EYS: variants seen among roughly 807,000 people sequenced by gnomAD.
EYS encodes the protein protein eyes shut homolog.
EYS carries 250 observed loss-of-function variants against 282.1 expected under a neutral mutation model. The observed-to-expected ratio is 0.89, with a 90% confidence interval of 0.80 to 0.98. The LOEUF (loss-of-function observed/expected upper bound fraction) is 0.98, where lower values mean the gene tolerates loss of function less well. EYS is among the 50% of genes least tolerant of loss of function. The probability of loss-of-function intolerance (pLI) is 0.00; values close to 1 mark genes in which losing one functional copy is unlikely to be tolerated. For missense variants in EYS, 4,016 were observed against 3,709.0 expected (o/e 1.08, Z -2.15); for synonymous variants, 1,355 against 1,282.9 (o/e 1.06, Z -1.20).
intron 5 of EYS, among the ~76,000 whole-genome samples, chr6:65,449,006 T>C (rs934973481): frequency 2.0e-5 from 3 of 152,110 alleles, no homozygotes; most frequent in Admixed American, 6.6e-5. Context: ...AATTTGGTTC[T>C]CACCTTAAGA....
chr6:65,330,335 G>A (rs1006582422), intron 11 of EYS: 21 of 981,238 alleles, frequency 2.1e-5, no homozygotes, highest in Middle Eastern at 5.2e-4. Context: ...AGGGATTGGT[G>A]ACTTAGACAT....
At chr6:65,686,823 C>T (rs1364035150) in intron 1 of EYS, among the ~76,000 whole-genome samples, 1 of 151,722 alleles carries the variant, frequency 6.6e-6, no homozygotes, top group African/African-American at 2.4e-5. Context: ...ATGATGAATA[C>T]CTGAAGCTGG....
chr6:65,427,051 T>C (rs772701848), intron 5 of EYS, among the ~76,000 whole-genome samples: 4 of 152,106 alleles, frequency 2.6e-5, no homozygotes, highest in Admixed American at 1.3e-4. Context: ...AGCGAAGCCA[T>C]AGTCTTCTCT....
chr6:64,961,733 T>C (rs1473174784), intron 14 of EYS, among the ~76,000 whole-genome samples: 1 of 152,064 alleles, frequency 6.6e-6, no homozygotes, highest in Non-Finnish European at 1.5e-5. Flanking sequence ...ATCCTACCAA[T>C]ACACCTTTAT....
intron 12 of EYS, among the ~76,000 whole-genome samples, chr6:65,132,514 C>A (rs1246739543): frequency 6.6e-6 from 1 of 151,944 alleles, no homozygotes; most frequent in Non-Finnish European, 1.5e-5. Flanking sequence ...TTCAAAATCT[C>A]TTCATGTTAA....
chr6:63,792,725 GC>G (rs1489643519), intron 37 of EYS, among the ~76,000 whole-genome samples: 1 of 151,608 alleles, frequency 6.6e-6, no homozygotes, highest in African/African-American at 2.4e-5. Flanking sequence ...TCGTAATAAG[GC>G]CTGATTGGTA....
At chr6:63,792,464 G>T (rs1002585005) in intron 37 of EYS, among the ~76,000 whole-genome samples, 2 of 152,032 alleles carry the variant, frequency 1.3e-5, no homozygotes, top group African/African-American at 2.4e-5. Context: ...ATCATTTAGG[G>T]AATGGTTCAA....
intron 35 of EYS, among the ~76,000 whole-genome samples, chr6:63,885,254 C>T (rs760250910): frequency 1.3e-4 from 20 of 152,140 alleles, no homozygotes; most frequent in Non-Finnish European, 2.2e-4. Flanking sequence ...TAGGCTACAT[C>T]TTTTGTCATC....
chr6:65,149,329 G>C (rs190184510), intron 12 of EYS, among the ~76,000 whole-genome samples: 15 of 152,214 alleles, frequency 9.9e-5, no homozygotes, highest in Non-Finnish European at 2.1e-4. Flanking sequence ...TAGGGCAGGG[G>C]CAAAATGTCA....
intron 7 of EYS, 48 bp from the exon 8 acceptor site, chr6:65,384,548 T>G (rs1256365778): frequency 1.1e-6 from 1 of 931,786 alleles, no homozygotes. Context: ...TTAAATGTTT[T>G]CAGAAAAGCC....
At chr6:63,866,094 A>G (rs1473460651) in intron 35 of EYS, among the ~76,000 whole-genome samples, 1 of 152,202 alleles carries the variant, frequency 6.6e-6, no homozygotes, top group Non-Finnish European at 1.5e-5. Flanking sequence ...TAAGATGGTT[A>G]TAAAGTATCC....
At chr6:64,192,273 G>C (rs1257188835) in intron 31 of EYS, among the ~76,000 whole-genome samples, 1 of 151,848 alleles carries the variant, frequency 6.6e-6, no homozygotes, top group African/African-American at 2.4e-5. Context: ...CTCCCATTTT[G>C]TGGGTTGCTT....
chr6:64,295,790 C>T (rs562171960), intron 30 of EYS, among the ~76,000 whole-genome samples: 37 of 151,668 alleles, frequency 2.4e-4, no homozygotes, highest in Non-Finnish European at 3.8e-4. Flanking sequence ...GCATTTGTTG[C>T]CAATGTTACA....
At chr6:64,790,884 A>G (rs1268752926) in intron 22 of EYS, among the ~76,000 whole-genome samples, 1 of 151,924 alleles carries the variant, frequency 6.6e-6, no homozygotes, top group African/African-American at 2.4e-5. Context: ...TTAATAAAAG[A>G]AGAATGAAAA....
chr6:65,005,597 C>G (rs1312239973), intron 13 of EYS, among the ~76,000 whole-genome samples: 1 of 147,690 alleles, frequency 6.8e-6, no homozygotes, highest in African/African-American at 2.4e-5. Context: ...TACCGGGCAC[C>G]TGTCCGCCAG....
At chr6:64,982,651 T>C (rs552616628) in intron 14 of EYS, among the ~76,000 whole-genome samples, 2 of 151,176 alleles carry the variant, frequency 1.3e-5, no homozygotes, top group Non-Finnish European at 3.0e-5. Context: ...TATAGATATA[T>C]ATGACTTTGA....
chr6:64,126,446 A>G (rs1773789816), intron 31 of EYS, among the ~76,000 whole-genome samples: 1 of 152,020 alleles, frequency 6.6e-6, no homozygotes, highest in African/African-American at 2.4e-5. Context: ...AGCATATTGC[A>G]GTTACTCCAG....
intron 30 of EYS, among the ~76,000 whole-genome samples, chr6:64,295,842 T>C (rs948090595): frequency 1.3e-5 from 2 of 152,126 alleles, no homozygotes; most frequent in African/African-American, 2.4e-5. Flanking sequence ...GGGTAAGTCA[T>C]CCACCATGGT....
At chr6:65,533,357 A>G (rs1205625275) in intron 2 of EYS, among the ~76,000 whole-genome samples, 1 of 152,126 alleles carries the variant, frequency 6.6e-6, no homozygotes, top group East Asian at 1.9e-4. Context: ...TACCAACCAA[A>G]AAAAAGTCCA....
Sources: allele counts gnomAD v4.1 joint callset (sites outside exome capture counted in the v4.1 genomes callset), GRCh38; gene constraint gnomAD v4.1.1; transcripts MANE v1.5; gene names NCBI Gene and HGNC (gene_info 2026-07-23, HGNC 2026-07-21).